Variants in GRM7 observed in about 807,000 individuals in gnomAD.
GRM7 encodes the protein metabotropic glutamate receptor 7.
Under a neutral mutation model 84.5 loss-of-function variants are expected in GRM7, and 35 were observed. The observed-to-expected ratio is 0.41, with a 90% CI of 0.32 to 0.55. The LOEUF is 0.55. Ranked by LOEUF, GRM7 falls within the 20% of genes least tolerant of loss-of-function variation. The pLI is 0.19. For synonymous variants in GRM7, 487 were observed against 455.1 expected (o/e 1.07, Z -0.89); for missense variants, 1,003 against 1,194.6 (o/e 0.84, Z 2.36).
At chr3:7,112,987 A>C (rs1368553312) in intron 1 of GRM7, among the ~76,000 whole-genome samples, 1 of 152,158 alleles carries the variant, frequency 6.6e-6, no homozygotes, top group Non-Finnish European at 1.5e-5. Context: ...ACTAGCATCA[A>C]ACTTTTCAAA....
At chr3:6,968,774 T>C (rs1559358157) in intron 1 of GRM7, among the ~76,000 whole-genome samples, 1 of 152,208 alleles carries the variant, frequency 6.6e-6, no homozygotes, top group Non-Finnish European at 1.5e-5. Flanking sequence ...TTCCCCTCCA[T>C]ATCTTTCAAG....
intron 4 of GRM7, among the ~76,000 whole-genome samples, chr3:7,383,570 G>T (rs1451954360): frequency 1.3e-5 from 2 of 152,060 alleles, no homozygotes; most frequent in African/African-American, 2.4e-5. Flanking sequence ...TATCAGATAA[G>T]ATGCCCTAAA....
At chr3:6,991,094 A>G (rs1694618556) in intron 1 of GRM7, among the ~76,000 whole-genome samples, 1 of 152,098 alleles carries the variant, frequency 6.6e-6, no homozygotes, top group Non-Finnish European at 1.5e-5. Context: ...ACATACATAC[A>G]TGCACACACA....
At chr3:7,154,985 A>G (rs924618614) in intron 2 of GRM7, among the ~76,000 whole-genome samples, 4 of 152,144 alleles carry the variant, frequency 2.6e-5, no homozygotes, top group Non-Finnish European at 2.9e-5. Context: ...TATTGGAAAG[A>G]TATTGATTAG....
intron 7 of GRM7, among the ~76,000 whole-genome samples, chr3:7,557,517 T>G (rs1489349294): frequency 6.6e-6 from 1 of 152,156 alleles, no homozygotes; most frequent in Admixed American, 6.5e-5. Flanking sequence ...TTTATCATCC[T>G]CCATGTTTTG....
chr3:7,541,595 T>C (rs1199821912), intron 7 of GRM7, among the ~76,000 whole-genome samples: 3 of 152,318 alleles, frequency 2.0e-5, no homozygotes, highest in South Asian at 4.1e-4. Flanking sequence ...TTCCACTGTC[T>C]TCTGTAGAAA....
At chr3:7,509,339 A>G (rs928462531) in intron 7 of GRM7, among the ~76,000 whole-genome samples, 2 of 152,184 alleles carry the variant, frequency 1.3e-5, no homozygotes, top group African/African-American at 2.4e-5. Context: ...ATTAAACTTC[A>G]TCTTAGGTAT....
At chr3:7,050,187 C>T (rs1284933060) in intron 1 of GRM7, among the ~76,000 whole-genome samples, 2 of 151,870 alleles carry the variant, frequency 1.3e-5, no homozygotes, top group Non-Finnish European at 2.9e-5. Flanking sequence ...ATGTTCCACA[C>T]ATTCATAACT....
chr3:7,013,383 T>C (rs1451702900), intron 1 of GRM7, among the ~76,000 whole-genome samples: 2 of 152,156 alleles, frequency 1.3e-5, no homozygotes, highest in Non-Finnish European at 1.5e-5. Context: ...ACTCCTCCCC[T>C]CTGCCTTGAT....
At chr3:6,887,461 A>G (rs1372540547) in intron 1 of GRM7, among the ~76,000 whole-genome samples, 1 of 150,850 alleles carries the variant, frequency 6.6e-6, no homozygotes, top group African/African-American at 2.4e-5. Context: ...ATTCCCACCT[A>G]TGAGTGAGAA....
At chr3:7,206,362 A>G (rs1696240217) in intron 2 of GRM7, among the ~76,000 whole-genome samples, 1 of 152,232 alleles carries the variant, frequency 6.6e-6, no homozygotes, top group African/African-American at 2.4e-5. Flanking sequence ...ACTGTTGCTA[A>G]TTCATTAATA....
chr3:7,171,233 T>C (rs564473195), intron 2 of GRM7, among the ~76,000 whole-genome samples: 1 of 152,280 alleles, frequency 6.6e-6, no homozygotes, highest in South Asian at 2.1e-4. Flanking sequence ...GATGGACTTC[T>C]TCTCCCTGTG....
intron 8 of GRM7, among the ~76,000 whole-genome samples, chr3:7,649,378 G>A (rs972066415): frequency 5.3e-5 from 8 of 152,132 alleles, no homozygotes; most frequent in African/African-American, 1.7e-4. Flanking sequence ...GTGAGCCACC[G>A]CGCCCAGCCG....
At chr3:7,524,532 C>A (rs1365638334) in intron 7 of GRM7, among the ~76,000 whole-genome samples, 4 of 88,906 alleles carry the variant, frequency 4.5e-5, no homozygotes, top group Non-Finnish European at 6.4e-5. Context: ...CATCACTGGC[C>A]ATCAGAGAAA....
At chr3:7,242,092 C>A (rs1328869776) in intron 2 of GRM7, among the ~76,000 whole-genome samples, 1 of 152,110 alleles carries the variant, frequency 6.6e-6, no homozygotes, top group Non-Finnish European at 1.5e-5. Flanking sequence ...ACTTATAACC[C>A]CTTTTTGTGC....
At chr3:7,268,348 C>G (rs570910366) in intron 2 of GRM7, among the ~76,000 whole-genome samples, 1 of 151,400 alleles carries the variant, frequency 6.6e-6, no homozygotes, top group Admixed American at 6.6e-5. Flanking sequence ...CCCAGCTCCT[C>G]GTGAAGCTGA....
At chr3:7,426,029 G>A (rs148313650) in intron 5 of GRM7, among the ~76,000 whole-genome samples, 2 of 152,084 alleles carry the variant, frequency 1.3e-5, no homozygotes, top group Non-Finnish European at 2.9e-5. Flanking sequence ...AGTATAGATT[G>A]GTGCTATTTT....
At chr3:7,400,509 T>C (rs1214663418) in intron 4 of GRM7, among the ~76,000 whole-genome samples, 1 of 152,112 alleles carries the variant, frequency 6.6e-6, no homozygotes, top group South Asian at 2.1e-4. Context: ...CCCATTGTAG[T>C]CAAATCAGTC....
At chr3:7,105,681 T>A (rs1039945405) in intron 1 of GRM7, among the ~76,000 whole-genome samples, 2 of 151,890 alleles carry the variant, frequency 1.3e-5, no homozygotes, top group African/African-American at 4.8e-5. Flanking sequence ...TTCCCTTAAT[T>A]TTCTTTCTTT....
Sources: allele counts gnomAD v4.1 joint callset (sites outside exome capture counted in the v4.1 genomes callset), GRCh38; gene constraint gnomAD v4.1.1; transcripts MANE v1.5; gene names NCBI Gene and HGNC (gene_info 2026-07-23, HGNC 2026-07-21).